LYST: variants seen among roughly 807,000 people sequenced by gnomAD.
LYST encodes lysosomal-trafficking regulator.
LYST carries 192 observed loss-of-function variants against 413.6 expected under a neutral mutation model. That is an observed-to-expected ratio of 0.46 (90% CI 0.41 to 0.52). The LOEUF (loss-of-function observed/expected upper bound fraction) is 0.52, where lower values mean the gene tolerates loss of function less well. Among genes scored for constraint, LYST ranks in the 20% least tolerant of loss-of-function variants. The probability of loss-of-function intolerance (pLI) is 0.00; values close to 1 mark genes in which losing one functional copy is unlikely to be tolerated. For synonymous variants in LYST, 1,525 were observed against 1,567.3 expected (o/e 0.97, Z 0.64); for missense variants, 3,815 against 4,499.9 (o/e 0.85, Z 4.35).
chr1:235,830,526 T>C, intron 2 of LYST, 102 bp from the exon 3 acceptor site: 1 of 917,060 alleles, frequency 1.1e-6, no homozygotes, highest in Non-Finnish European at 1.7e-6. Flanking sequence ...GAAGATTGGC[T>C]TAAAATTACT....
At chr1:235,831,177 T>C (rs896978200) in intron 2 of LYST, among the ~76,000 whole-genome samples, 1 of 152,090 alleles carries the variant, frequency 6.6e-6, no homozygotes, top group Non-Finnish European at 1.5e-5. Flanking sequence ...AACATAGAGA[T>C]GTTAAGTTAA....
At chr1:235,786,996 A>G in intron 14 of LYST, 1 of 424,374 alleles carries the variant, frequency 2.4e-6, no homozygotes, top group South Asian at 2.4e-5. Context: ...ATGTATACAT[A>G]TGTAACAAAC....
intron 38 of LYST, among the ~76,000 whole-genome samples, chr1:235,727,121 TTTC>T (rs1347377456): frequency 7.6e-5 from 11 of 144,902 alleles, no homozygotes; most frequent in African/African-American, 2.8e-4. Context: ...ACTTTCTTTC[TTTC>T]TTTTTTTTTT....
At chr1:235,675,925 A>T (rs60734220) in intron 50 of LYST, among the ~76,000 whole-genome samples, 12,097 of 152,224 alleles carry the variant, frequency 0.079, 1,557 homozygotes, top group African/African-American at 0.27. Context: ...ACAATGTAAA[A>T]AATGCTAGCA....
intron 2 of LYST, among the ~76,000 whole-genome samples, chr1:235,831,243 A>G (rs1300892522): frequency 6.6e-6 from 1 of 152,140 alleles, no homozygotes; most frequent in Non-Finnish European, 1.5e-5. Context: ...AGCCCTCCCC[A>G]CAGTCCCTGC....
intron 21 of LYST, among the ~76,000 whole-genome samples, chr1:235,764,754 C>T (rs558795573): frequency 3.0e-4 from 46 of 151,984 alleles, no homozygotes; most frequent in African/African-American, 9.4e-4. Context: ...CTGCCTGCCC[C>T]GGCTTCCCAA....
intron 21 of LYST, among the ~76,000 whole-genome samples, chr1:235,764,692 G>A (rs1263867202): frequency 6.6e-6 from 1 of 151,210 alleles, no homozygotes; most frequent in African/African-American, 2.4e-5. Context: ...TAGTAGAGAT[G>A]GGGTTTTGCC....
rs1668109758 is a variant in LYST, at chr1:235,766,025, A to G, written c.6121+54T>C. On this transcript the variant is annotated intron_variant, in intron 21 of 52. Transcript: ENST00000389793. ...TCAAACAAATGTGAATCAAGTGGGA[A>G]GAATAAAACAAAAGTGGAAATAGCC... 36 of 1,268,580 alleles carry G rather than the reference A, an allele frequency of 2.8e-5. 1 individual carries two copies. In the South Asian group the frequency reaches 3.7e-4, roughly 13 times the overall value. 78.6% of individuals were successfully genotyped at this position (1,268,580 alleles called of 1,614,324 possible). A position where few individuals can be genotyped will look rare whatever the true frequency, so the allele number is the denominator to read the frequency against.
intron 47 of LYST, among the ~76,000 whole-genome samples, chr1:235,689,026 TAACAACAAC>T (rs1184158926): frequency 1.1e-5 from 1 of 92,966 alleles, no homozygotes; most frequent in South Asian, 2.7e-4. Flanking sequence ...ATAATAATAA[TAACAACAAC>T]AACAACAACA....
At chr1:235,797,352 G>A (rs73108807) in intron 10 of LYST, among the ~76,000 whole-genome samples, 2,383 of 152,260 alleles carry the variant, frequency 0.016, 61 homozygotes, top group African/African-American at 0.054. Context: ...ACTACTTAAT[G>A]CAAGTGATCA....
intron 25 of LYST, 85 bp downstream of exon 25, chr1:235,755,393 G>GAAAA: frequency 2.6e-6 from 1 of 388,508 alleles, no homozygotes; most frequent in South Asian, 2.3e-5. Context: ...CGTCTCAAAA[G>GAAAA]AAAAGAAAAG....
intron 47 of LYST, among the ~76,000 whole-genome samples, chr1:235,688,805 A>G (rs1458028163): frequency 1.3e-5 from 2 of 151,992 alleles, no homozygotes; most frequent in Non-Finnish European, 2.9e-5. Flanking sequence ...TAACATGGTG[A>G]AACCCCGTCT....
In LYST at chr1:235,664,150, G is replaced by C; in HGVS notation, c.11196-95C>G. 1.0e-6 allele frequency: 1 copy of C among 984,584 alleles called. No individual in the cohort carries two copies. The highest frequency in any genetic ancestry group is 1.6e-6 in the Non-Finnish European group (1 of 613,576). The allele number at this position is 984,584 out of a possible 1,614,324, so 61.0% of individuals were successfully genotyped here. ...TTTATTTGTTAAAAATCATGTGGAA[G>C]GAAATGTAACAAACAATTAACAGTA... On this transcript the variant is annotated intron_variant, in intron 51 of 52. Transcript: ENST00000389793. The surrounding 1 kb of genome is among the most constrained non-coding windows in gnomAD (Gnocchi z 4.5).
chr1:235,768,785 T>C (rs769338051), intron 20 of LYST, among the ~76,000 whole-genome samples: 3 of 151,978 alleles, frequency 2.0e-5, no homozygotes, highest in African/African-American at 4.8e-5. Flanking sequence ...AAAATGGACA[T>C]GCGAAGGAAA....
intron 10 of LYST, among the ~76,000 whole-genome samples, chr1:235,798,399 A>G (rs1558260822): frequency 6.6e-6 from 1 of 151,578 alleles, no homozygotes; most frequent in Non-Finnish European, 1.5e-5. Context: ...GGAGGGGTGT[A>G]ATGGGGGAAC....
At chr1:235,878,670 C>A (rs983491940) in intron 1 of LYST, among the ~76,000 whole-genome samples, 1 of 152,128 alleles carries the variant, frequency 6.6e-6, no homozygotes, top group African/African-American at 2.4e-5. Context: ...TTGTTTCCTG[C>A]CAAACCCATA....
intron 31 of LYST, among the ~76,000 whole-genome samples, chr1:235,739,731 T>C (rs1665176800): frequency 6.6e-6 from 1 of 152,182 alleles, no homozygotes; most frequent in South Asian, 2.1e-4. Flanking sequence ...AATCACTATT[T>C]TGTAACTCTT....
At chr1:235,693,811 T>C (rs889516553) in intron 46 of LYST, among the ~76,000 whole-genome samples, 3 of 152,144 alleles carry the variant, frequency 2.0e-5, no homozygotes, top group African/African-American at 7.2e-5. Flanking sequence ...ACACCTTTTC[T>C]TTTAAAAATA....
upstream of LYST, among the ~76,000 whole-genome samples, chr1:235,868,151 A>T (rs1680736602): frequency 6.6e-6 from 1 of 151,926 alleles, no homozygotes; most frequent in African/African-American, 2.4e-5. Context: ...TTCCTCTGGC[A>T]GGTAGTCTTT....
Sources: allele counts gnomAD v4.1 joint callset (sites outside exome capture counted in the v4.1 genomes callset), GRCh38; gene constraint gnomAD v4.1.1; non-coding constraint Gnocchi (gnomAD v3.1); transcripts MANE v1.5; gene names NCBI Gene and HGNC (gene_info 2026-07-23, HGNC 2026-07-21).